PTPRT: variants seen among roughly 807,000 people sequenced by gnomAD.
The protein encoded by PTPRT is protein tyrosine phosphatase receptor type T.
PTPRT carries 56 observed loss-of-function variants against 176.8 expected under a neutral mutation model. That is an observed-to-expected ratio of 0.32 (90% CI 0.26 to 0.40). The LOEUF is 0.40. Among genes scored for constraint, PTPRT ranks in the 10% least tolerant of loss-of-function variants. The probability of loss-of-function intolerance (pLI) is 1.00; values close to 1 mark genes in which losing one functional copy is unlikely to be tolerated. For synonymous variants in PTPRT, 783 were observed against 739.0 expected (o/e 1.06, Z -0.96); for missense variants, 1,540 against 1,908.2 (o/e 0.81, Z 3.60).
chr20:42,488,206 C>A (rs1463564021), intron 7 of PTPRT, among the ~76,000 whole-genome samples: 1 of 152,136 alleles, frequency 6.6e-6, no homozygotes, highest in African/African-American at 2.4e-5. Flanking sequence ...CTGTAGTAGA[C>A]CTTCTCAGGT....
intron 7 of PTPRT, among the ~76,000 whole-genome samples, chr20:42,646,419 T>G (rs1038683294): frequency 5.9e-5 from 9 of 152,082 alleles, no homozygotes; most frequent in African/African-American, 1.9e-4. Context: ...AGAAGTTGAG[T>G]TATTGCAACA....
chr20:42,088,827 A>G (rs751608174), intron 27 of PTPRT, among the ~76,000 whole-genome samples: 7 of 152,236 alleles, frequency 4.6e-5, no homozygotes, highest in Non-Finnish European at 1.0e-4. Context: ...TTCTGAGGAT[A>G]AAGGACATAA....
chr20:42,946,101 C>T (rs767554695), intron 1 of PTPRT, among the ~76,000 whole-genome samples: 15 of 152,168 alleles, frequency 9.9e-5, no homozygotes, highest in South Asian at 2.1e-4. Flanking sequence ...TTAGAGATGT[C>T]GAGTCAGAGA....
chr20:42,084,942 C>T (rs1983731358), intron 28 of PTPRT, 97 bp from the exon 29 acceptor site: 2 of 1,081,966 alleles, frequency 1.8e-6, no homozygotes, highest in Non-Finnish European at 1.2e-6. Flanking sequence ...TGGTGGAAGA[C>T]AGACCAAATG....
intron 12 of PTPRT, among the ~76,000 whole-genome samples, chr20:42,287,528 G>A (rs546388480): frequency 6.6e-6 from 1 of 151,878 alleles, no homozygotes; most frequent in South Asian, 2.1e-4. Flanking sequence ...ACTAAAATAA[G>A]TTGATCTCAT....
intron 6 of PTPRT, among the ~76,000 whole-genome samples, chr20:42,713,240 AAG>A (rs1441210543): frequency 6.6e-6 from 1 of 152,094 alleles, no homozygotes; most frequent in African/African-American, 2.4e-5. Flanking sequence ...AAGGAATAAA[AAG>A]AGTAATTTTC....
At chr20:42,577,983 A>C (rs1423481857) in intron 7 of PTPRT, among the ~76,000 whole-genome samples, 1 of 148,360 alleles carries the variant, frequency 6.7e-6, no homozygotes, top group Non-Finnish European at 1.5e-5. Context: ...GCATACCCAC[A>C]TGTGTGTGAA....
chr20:42,744,498 T>C (rs1438561275), intron 6 of PTPRT, among the ~76,000 whole-genome samples: 12 of 152,238 alleles, frequency 7.9e-5, no homozygotes, highest in Non-Finnish European at 1.2e-4. Flanking sequence ...CCCATCTGTT[T>C]TCAGGTAGGC....
intron 15 of PTPRT, among the ~76,000 whole-genome samples, chr20:42,199,934 T>A (rs1423295999): frequency 6.6e-6 from 1 of 152,028 alleles, no homozygotes; most frequent in African/African-American, 2.4e-5. Context: ...CTTATTCCCA[T>A]GGGAATAAAA....
At chr20:42,753,636 C>A (rs555483551) in intron 6 of PTPRT, among the ~76,000 whole-genome samples, 1 of 152,128 alleles carries the variant, frequency 6.6e-6, no homozygotes, top group Non-Finnish European at 1.5e-5. Flanking sequence ...GTGGTAGCTG[C>A]GGAGTCATAT....
intron 1 of PTPRT, among the ~76,000 whole-genome samples, chr20:43,178,868 A>C (rs1160124979): frequency 6.6e-6 from 1 of 152,204 alleles, no homozygotes. Context: ...AAGGCAGATG[A>C]AGGGTGAACT....
chr20:42,738,290 T>C (rs1255029875), intron 6 of PTPRT, among the ~76,000 whole-genome samples: 1 of 152,082 alleles, frequency 6.6e-6, no homozygotes, highest in African/African-American at 2.4e-5. Flanking sequence ...GGTGAGTGGA[T>C]CACTTAAGGG....
chr20:42,372,017 C>A (rs2058593371), intron 9 of PTPRT, among the ~76,000 whole-genome samples: 2 of 152,194 alleles, frequency 1.3e-5, no homozygotes, highest in South Asian at 4.1e-4. Flanking sequence ...TGCAGCTAGT[C>A]TTCAGGCTAT....
chr20:42,632,035 G>A (rs926057154), intron 7 of PTPRT, among the ~76,000 whole-genome samples: 7 of 152,032 alleles, frequency 4.6e-5, no homozygotes, highest in South Asian at 2.1e-4. Context: ...GTTGGACGCC[G>A]GAGACTGAGC....
chr20:42,896,895 G>A (rs1172341988), intron 1 of PTPRT, among the ~76,000 whole-genome samples: 1 of 152,180 alleles, frequency 6.6e-6, no homozygotes, highest in Admixed American at 6.5e-5. Context: ...ATCGTGGGTA[G>A]CTGATTCTTG....
chr20:43,034,045 G>A (rs1986264203), intron 1 of PTPRT, among the ~76,000 whole-genome samples: 1 of 152,202 alleles, frequency 6.6e-6, no homozygotes, highest in South Asian at 2.1e-4. Flanking sequence ...CAGCCACACA[G>A]CCAGAGAAGC....
intron 1 of PTPRT, among the ~76,000 whole-genome samples, chr20:43,182,866 G>A (rs1325688177): frequency 1.3e-5 from 2 of 151,626 alleles, no homozygotes; most frequent in Admixed American, 6.6e-5. Context: ...AACAAAAAAC[G>A]TTGCATCTGC....
chr20:42,644,471 C>A (rs1026739968), intron 7 of PTPRT, among the ~76,000 whole-genome samples: 4 of 152,160 alleles, frequency 2.6e-5, no homozygotes, highest in Non-Finnish European at 5.9e-5. Flanking sequence ...TATGTTCATG[C>A]CCCTTCTCTT....
At chr20:42,884,990 C>T (rs1454090224) in intron 2 of PTPRT, among the ~76,000 whole-genome samples, 4 of 152,118 alleles carry the variant, frequency 2.6e-5, no homozygotes, top group South Asian at 2.1e-4. Flanking sequence ...TTGGGTACTT[C>T]CCCTGAAACA....
Sources: allele counts gnomAD v4.1 joint callset (sites outside exome capture counted in the v4.1 genomes callset), GRCh38; gene constraint gnomAD v4.1.1; transcripts MANE v1.5; gene names NCBI Gene and HGNC (gene_info 2026-07-23, HGNC 2026-07-21).